Variants in SOX5 observed in about 807,000 individuals in gnomAD.
The protein encoded by SOX5 is SRY-box transcription factor 5.
In SOX5, 9 loss-of-function variants were observed where a neutral mutation model predicts 92.0. The ratio of observed to expected loss-of-function variants is 0.10; its 90% CI spans 0.06 to 0.17. The LOEUF (loss-of-function observed/expected upper bound fraction) is 0.17, where lower values mean the gene tolerates loss of function less well. Among genes scored for constraint, SOX5 ranks in the 10% least tolerant of loss-of-function variants. The pLI, the probability that SOX5 is intolerant of heterozygous loss-of-function variation, is 1.00. For missense variants in SOX5, 642 were observed against 944.5 expected, an observed-to-expected ratio of 0.68 and a Z score of 4.20; for synonymous variants, 344 against 336.3, an observed-to-expected ratio of 1.02 and a Z score of -0.25.
rs187723383 is a variant in SOX5, at chr12:23,634,794, G to A, written c.1017+6018C>T. ...ATATTTGAAATTCTGCTATTGTCTC[G>A]TTTTAAAAGGTGATTAATTAATATA... On this transcript the variant is annotated intron_variant, in intron 8 of 14. Coordinates refer to ENST00000451604, the MANE Select transcript of SOX5 (RefSeq NM_006940.6). Among the ~76,000 whole-genome samples the A allele has an allele frequency of 8.0e-4, 122 of 151,946 alleles. 1 individual carries two copies. Among genetic ancestry groups the A allele is most frequent in the African/African-American group, 2.8e-3 (114 of 41,424 alleles).
At chr12:23,674,274 G>A (rs1176563627) in intron 6 of SOX5, among the ~76,000 whole-genome samples, 1 of 147,462 alleles carries the variant, frequency 6.8e-6, no homozygotes, top group Non-Finnish European at 1.5e-5. Flanking sequence ...TGCTGATTCA[G>A]ATAAAGAGCA....
chr12:24,294,224 C>T (rs1946941153), intron 2 of SOX5, among the ~76,000 whole-genome samples: 1 of 151,656 alleles, frequency 6.6e-6, no homozygotes, highest in African/African-American at 2.4e-5. Flanking sequence ...GGCCTTGAGA[C>T]TTTCATTACA....
At position 24,363,761 on chromosome 12, in the gene SOX5, A is replaced by G. The variant is rs143178583; in HGVS notation, c.-174+4802T>C. 2.2e-3 allele frequency among the ~76,000 whole-genome samples: 327 copies of G among 152,024 alleles called. 4 individuals are homozygous for G. Among genetic ancestry groups the G allele is most frequent in the Middle Eastern group, 0.01 (3 of 292 alleles). ...TTCATCTTAGGTGAACAACATACCC[A>G]TATATAGGAGCAGGTGTCTGTAGTA... is the stretch of plus-strand genomic sequence containing the variant. On this transcript the variant is annotated intron_variant, in intron 2 of 4. Transcript: ENST00000446891.
At chr12:23,626,671 C>CTTT (rs370910356) in intron 8 of SOX5, among the ~76,000 whole-genome samples, 46,228 of 115,996 alleles carry the variant, frequency 0.4, 9,394 homozygotes, top group East Asian at 0.5. Context: ...TTCATTAGTG[C>CTTT]TTTTTTTTTT....
intron 11 of SOX5, among the ~76,000 whole-genome samples, chr12:23,553,480 G>T (rs1944588332): frequency 6.6e-6 from 1 of 151,954 alleles, no homozygotes; most frequent in Non-Finnish European, 1.5e-5. Flanking sequence ...AGTAAAATAT[G>T]GGCCCTTGCT....
intron 1 of SOX5, among the ~76,000 whole-genome samples, chr12:23,940,101 C>T (rs1943341056): frequency 1.3e-5 from 2 of 151,088 alleles, no homozygotes; most frequent in African/African-American, 4.8e-5. Context: ...ACCTAAAGTG[C>T]CACTCGTATG....
At chr12:24,160,436 A>T (rs913277759) in intron 4 of SOX5, among the ~76,000 whole-genome samples, 6 of 152,036 alleles carry the variant, frequency 3.9e-5, no homozygotes, top group African/African-American at 1.4e-4. Flanking sequence ...TTTACATTGC[A>T]TTCTATATGC....
In SOX5 at chr12:24,190,952, A is replaced by T. The variant is rs12304197; in HGVS notation, c.-2+22391T>A. Among the ~76,000 whole-genome samples, 738 of 152,200 alleles carry T rather than the reference A, an allele frequency of 4.8e-3. 4 individuals are homozygous for T. The highest frequency in any genetic ancestry group is 0.016 in the African/African-American group (679 of 41,530). Reference sequence around the variant, plus strand: ...CCTTCTTTTAATTAAGATAAAATTTAAAAAAAAGAGAATGAGGATTATGTT... The same window carrying T: ...CCTTCTTTTAATTAAGATAAAATTTTAAAAAAAGAGAATGAGGATTATGTT... On this transcript the variant is annotated intron_variant, in intron 4 of 4. Coordinates refer to the SOX5 transcript ENST00000446891.
At chr12:24,370,476 C>CAAAAAAAAAAAAAAA (rs57192965) in intron 1 of SOX5, among the ~76,000 whole-genome samples, 2 of 79,728 alleles carry the variant, frequency 2.5e-5, no homozygotes, top group Non-Finnish European at 2.3e-5. Context: ...GACTCCGTCT[C>CAAAAAAAAAAAAAAA]AAAAAAAAAA....
chr12:24,114,573 CA>C (rs55913110), intron 4 of SOX5, among the ~76,000 whole-genome samples: 786 of 40,282 alleles, frequency 0.02, no homozygotes, highest in Non-Finnish European at 0.023. Context: ...CACCCCGTCA[CA>C]AAAAAAAAAA....
At chr12:24,040,966 G>C (rs564114493) in intron 4 of SOX5, among the ~76,000 whole-genome samples, 1 of 152,230 alleles carries the variant, frequency 6.6e-6, no homozygotes, top group South Asian at 2.1e-4. Context: ...AGAATGCTTA[G>C]AATACTTCGT....
At chr12:23,736,269 G>C (rs911343889) in intron 5 of SOX5, among the ~76,000 whole-genome samples, 8 of 151,974 alleles carry the variant, frequency 5.3e-5, no homozygotes, top group African/African-American at 1.9e-4. Context: ...AGACCATCCT[G>C]GCTAACAGGG....
rs1174311930 is a variant in SOX5 at position 23,532,364 on chromosome 12, T to C, written c.*1855A>G. The C allele has an allele frequency of 6.6e-6, 1 of 152,074 alleles. No individual in the cohort carries two copies. Among genetic ancestry groups the C allele is most frequent in the Non-Finnish European group, 1.5e-5 (1 of 68,028 alleles). The allele number at this position is 152,074 out of a possible 1,614,324, so 9.4% of individuals were successfully genotyped here. A position where few individuals can be genotyped will look rare whatever the true frequency, so the allele number is the denominator to read the frequency against. On this transcript the variant is annotated 3_prime_UTR_variant, in exon 15 of 15. Coordinates refer to ENST00000451604, the MANE Select transcript of SOX5 (RefSeq NM_006940.6). ...TAGGGTGGTGTTTCGGGGGGTGAGA[T>C]AGGAAAATGATGACTGGAGTGAAAA...
At chr12:24,105,795 T>A (rs1946605075) in intron 4 of SOX5, among the ~76,000 whole-genome samples, 1 of 152,186 alleles carries the variant, frequency 6.6e-6, no homozygotes, top group Non-Finnish European at 1.5e-5. Context: ...TAATGGTAAT[T>A]TTCTGATAGG....
intron 3 of SOX5, among the ~76,000 whole-genome samples, chr12:23,767,245 CACAT>C (rs879584576): frequency 4.5e-3 from 636 of 139,904 alleles, no homozygotes; most frequent in Middle Eastern, 0.022. Flanking sequence ...CACACACACA[CACAT>C]ATATATATTC....
intron 11 of SOX5, 84 bp downstream of exon 11, chr12:23,563,171 TAAG>T (rs1294086490): frequency 7.2e-6 from 8 of 1,105,926 alleles, no homozygotes; most frequent in South Asian, 3.1e-5. Context: ...TTGAGGATGA[TAAG>T]AAGATGGAAA....
intron 3 of SOX5, among the ~76,000 whole-genome samples, chr12:23,795,908 A>C (rs1266801590): frequency 6.6e-6 from 1 of 152,178 alleles, no homozygotes; most frequent in East Asian, 1.9e-4. Flanking sequence ...TATTTAAATT[A>C]CTGAATAGTA....
chr12:23,709,846 A>T lies in SOX5; in HGVS notation c.810+24838T>A, dbSNP rs138675903. ...GTAATATTTTAGCTTTAAGGTTGACATATGAAACTGGATGAATTTTGAACA... is the reference window on the plus strand; with the variant it reads ...GTAATATTTTAGCTTTAAGGTTGACTTATGAAACTGGATGAATTTTGAACA... On this transcript the variant is annotated intron_variant, in intron 6 of 14. Coordinates refer to ENST00000451604, the MANE Select transcript of SOX5 (RefSeq NM_006940.6). Among the ~76,000 whole-genome samples the T allele has an allele frequency of 1.8e-3, 277 of 152,328 alleles. 3 individuals are homozygous for T. Among genetic ancestry groups the T allele is most frequent in the Admixed American group, 0.012 (190 of 15,292 alleles).
intron 4 of SOX5, among the ~76,000 whole-genome samples, chr12:24,010,798 G>GTGTAGTGGCACATGCCTGTAGTCCCGGGC (rs1952826598): frequency 6.6e-6 from 1 of 152,000 alleles, no homozygotes; most frequent in South Asian, 2.1e-4. Flanking sequence ...AATTAGCCCG[G>GTGTAGTGGCACATGCCTGTAGTCCCGGGC]TGTAGTGGCA....
Sources: gnomAD v4.1 joint callset for allele counts (sites outside exome capture counted in the v4.1 genomes callset) on GRCh38, gnomAD v4.1.1 for gene constraint, MANE v1.5 for transcripts, NCBI Gene and HGNC (gene_info 2026-07-23, HGNC 2026-07-21) for gene names.